RTTN: variants seen among roughly 807,000 people sequenced by gnomAD.
The protein encoded by RTTN is rotatin.
A neutral mutation model predicts 269.2 loss-of-function variants in RTTN; 182 were observed. The observed-to-expected ratio is 0.68, with a 90% CI of 0.60 to 0.76. The LOEUF is 0.76. Ranked by LOEUF, RTTN falls within the 30% of genes least tolerant of loss-of-function variation. The pLI is 0.00. For missense variants in RTTN, 2,545 were observed against 2,608.6 expected, an observed-to-expected ratio of 0.98 and a Z score of 0.53; for synonymous variants, 1,006 against 963.5, an observed-to-expected ratio of 1.04 and a Z score of -0.82.
At chr18:70,162,639 T>C (rs2060862651) in intron 14 of RTTN, among the ~76,000 whole-genome samples, 1 of 152,034 alleles carries the variant, frequency 6.6e-6, no homozygotes, top group Admixed American at 6.6e-5. Context: ...GCCCCCATGA[T>C]TCCAATTACC....
At chr18:70,097,745 G>C (rs2059039991) in intron 28 of RTTN, among the ~76,000 whole-genome samples, 1 of 152,180 alleles carries the variant, frequency 6.6e-6, no homozygotes, top group African/African-American at 2.4e-5. Flanking sequence ...ACACAGAATG[G>C]ACTACTGCCT....
At chr18:70,040,304 C>CA (rs60829502) in intron 40 of RTTN, among the ~76,000 whole-genome samples, 119,849 of 149,000 alleles carry the variant, frequency 0.8, 52,316 homozygotes, top group East Asian at 1. Flanking sequence ...CCAATGAAAA[C>CA]AAAAAAAAAA....
intron 40 of RTTN, among the ~76,000 whole-genome samples, chr18:70,040,512 C>T (rs557312507): frequency 2.1e-4 from 32 of 152,224 alleles, no homozygotes; most frequent in African/African-American, 6.3e-4. Context: ...GATCTCAAGA[C>T]GATAATGGCT....
chr18:70,131,804 T>C (rs564309167), intron 23 of RTTN: 5 of 151,778 alleles, frequency 3.3e-5, no homozygotes, highest in African/African-American at 9.7e-5. Context: ...AAAAACCACA[T>C]TGGACAAATA....
intron 30 of RTTN, chr18:70,091,756 CTTT>C (rs879690117): frequency 1.2e-4 from 18 of 146,902 alleles, no homozygotes; most frequent in South Asian, 4.1e-4. Flanking sequence ...TGTTTTGTGT[CTTT>C]TTTTTTTTTT....
intron 46 of RTTN, among the ~76,000 whole-genome samples, chr18:70,012,452 C>G (rs12962406): frequency 0.017 from 2,138 of 129,072 alleles, 41 homozygotes; most frequent in Non-Finnish European, 0.02. Context: ...GTATTGGTTA[C>G]AGGGCAGCAT....
At chr18:70,094,448 G>A (rs556738165) in intron 28 of RTTN, among the ~76,000 whole-genome samples, 1 of 151,922 alleles carries the variant, frequency 6.6e-6, no homozygotes, top group Admixed American at 6.6e-5. Flanking sequence ...GTGAAACACT[G>A]CTTTAGCTGT....
rs1209423810 is a variant in RTTN at position 70,004,021 on chromosome 18, G to A, written c.*130C>T. The A allele has an allele frequency of 3.2e-6, 2 of 628,322 alleles. No individual in the cohort carries two copies. The highest frequency in any genetic ancestry group is 2.8e-5 in the East Asian group (1 of 36,134). The allele number at this position is 628,322 out of a possible 1,614,324, so 38.9% of individuals were successfully genotyped here. A position where few individuals can be genotyped will look rare whatever the true frequency, so the allele number is the denominator to read the frequency against. ...AGTATCACCAGTTCTCTCTCTCATG[G>A]GAAAGAAGGGGATCAACACTTTGTA... On this transcript the variant is annotated 3_prime_UTR_variant, in exon 49 of 49. Transcript: ENST00000640769.
At chr18:70,108,869 A>T (rs1208275991) in intron 28 of RTTN, among the ~76,000 whole-genome samples, 1 of 151,736 alleles carries the variant, frequency 6.6e-6, no homozygotes, top group Non-Finnish European at 1.5e-5. Context: ...AATTGACAAA[A>T]AAAAACTATA....
chr18:70,048,213 A>G, intron 39 of RTTN, 25 bp from the exon 40 acceptor site: 1 of 1,580,740 alleles, frequency 6.3e-7, no homozygotes, highest in East Asian at 2.3e-5. Context: ...TCAGATGTGA[A>G]TGTTTGAAAA....
At chr18:70,171,417 T>C (rs1365610577) in intron 11 of RTTN, among the ~76,000 whole-genome samples, 1 of 152,226 alleles carries the variant, frequency 6.6e-6, no homozygotes, top group Non-Finnish European at 1.5e-5. Flanking sequence ...GCATATGGCA[T>C]ATAGCACTCA....
chr18:70,197,083 T>C (rs745683477), intron 6 of RTTN, among the ~76,000 whole-genome samples: 1 of 152,192 alleles, frequency 6.6e-6, no homozygotes, highest in East Asian at 1.9e-4. Context: ...GTATTAACAG[T>C]TGGCACCCAC....
At chr18:70,164,197 G>A (rs1474840095) in intron 14 of RTTN, among the ~76,000 whole-genome samples, 2 of 138,470 alleles carry the variant, frequency 1.4e-5, no homozygotes, top group Non-Finnish European at 3.0e-5. Flanking sequence ...AGTTAAAATG[G>A]TAAAATTTTT....
intron 20 of RTTN, 34 bp downstream of exon 20, chr18:70,140,066 T>C: frequency 7.4e-7 from 1 of 1,360,138 alleles, no homozygotes; most frequent in Non-Finnish European, 1.1e-6. Flanking sequence ...CAAAACAGCC[T>C]GTAAAACAAT....
chr18:70,093,734 T>C (rs1034640933), intron 28 of RTTN, among the ~76,000 whole-genome samples: 8 of 152,198 alleles, frequency 5.3e-5, no homozygotes, highest in Admixed American at 5.2e-4. Context: ...TGCATTGATG[T>C]TCCTCAGTGA....
chr18:70,083,413 G>C (rs1307512403), intron 32 of RTTN, among the ~76,000 whole-genome samples: 1 of 152,082 alleles, frequency 6.6e-6, no homozygotes, highest in African/African-American at 2.4e-5. Flanking sequence ...TCTGTGGTAG[G>C]GGTTGGGAGA....
Position 70,197,647 on chromosome 18 carries a change from G to C in RTTN, c.670C>G (p.Leu224Val). 6.2e-7 allele frequency: 1 copy of C among 1,613,142 alleles called. No homozygotes were observed. Among genetic ancestry groups the C allele is most frequent in the Non-Finnish European group, 8.5e-7 (1 of 1,179,156 alleles). Residue 224 changes from leucine (L) to valine (V), a missense_variant, in exon 6 of 49, where the codon CTT (leucine) becomes GTT (valine). Physicochemically the swap from Leu to Val is conservative, Grantham distance 32. Transcript: ENST00000640769. ...IMQDFPAEIF[L>V]QRPKIVQSLL... is the part of the protein sequence containing the mutation. ...ACCTGAACAATTTTTGGCCTTTGAA[G>C]GAAAATCTCAGCAGGAAAATCTTGC...
intron 34 of RTTN, among the ~76,000 whole-genome samples, chr18:70,070,354 C>G (rs2058262206): frequency 6.6e-6 from 1 of 152,218 alleles, no homozygotes; most frequent in African/African-American, 2.4e-5. Flanking sequence ...CTTTCTCTCT[C>G]CATCATCACA....
rs749116329 is a variant in RTTN at position 70,188,111 on chromosome 18, A to G, written c.1302T>C (p.Asp434=). 6.4e-7 allele frequency: 1 copy of G among 1,554,094 alleles called. No homozygotes were observed. Among genetic ancestry groups the G allele is most frequent in the Non-Finnish European group, 8.9e-7 (1 of 1,126,110 alleles). ...IWDDSSLFGI[D]MKEKLLLVLG... is the part of the protein sequence containing the mutation. Reference sequence around the variant, plus strand: ...CAAAGAAAACATTGATTCTTACCATATCTATACCAAAAAGGCTGCTGTCAT... The same window carrying G: ...CAAAGAAAACATTGATTCTTACCATGTCTATACCAAAAAGGCTGCTGTCAT... Residue 434 remains aspartate, a synonymous_variant, in exon 10 of 49, where the codon GAT becomes GAC. Coordinates refer to ENST00000640769, the MANE Select transcript of RTTN (RefSeq NM_173630.4).
Sources: allele counts gnomAD v4.1 joint callset (sites outside exome capture counted in the v4.1 genomes callset), GRCh38; gene constraint gnomAD v4.1.1; transcripts MANE v1.5; gene names NCBI Gene and HGNC (gene_info 2026-07-23, HGNC 2026-07-21).